The following DNAH9 variants were observed in gnomAD, a reference collection of about 807,000 sequenced individuals.
DNAH9 encodes dynein axonemal heavy chain 9.
Under a neutral mutation model 471.6 loss-of-function variants are expected in DNAH9, and 345 were observed. The observed-to-expected ratio is 0.73, with a 90% CI of 0.67 to 0.80. The LOEUF (loss-of-function observed/expected upper bound fraction) is 0.80, where lower values mean the gene tolerates loss of function less well. DNAH9 is among the 30% of genes least tolerant of loss of function. DNAH9 has a pLI of 0.00. For synonymous variants in DNAH9, 2,093 were observed against 2,123.6 expected (o/e 0.99, Z 0.40); for missense variants, 5,407 against 5,609.2 (o/e 0.96, Z 1.15).
In DNAH9 at chr17:11,961,864, C is replaced by A. The variant is rs377371909; in HGVS notation, c.12844-3C>A. 1.3e-6 allele frequency: 2 copies of A among 1,594,046 alleles called. No individual in the cohort carries two copies. The highest frequency in any genetic ancestry group is 1.7e-6 in the Non-Finnish European group (2 of 1,168,096). On this transcript the variant is annotated splice_region_variant and splice_polypyrimidine_tract_variant and intron_variant, in intron 67 of 68. Coordinates refer to ENST00000262442, the MANE Select transcript of DNAH9 (RefSeq NM_001372.4). ...CTTTCCCCCTCCCATTCTTTATCTT[C>A]AGGGGGAGCTGACTATGACCAGCCA...
intron 13 of DNAH9, 82 bp downstream of exon 13, chr17:11,651,406 CT>C (rs1340635697): frequency 1.4e-6 from 2 of 1,392,608 alleles, no homozygotes; most frequent in Non-Finnish European, 1.9e-6. Flanking sequence ...CAATTATTCC[CT>C]GGTAATCTTA....
intron 17 of DNAH9, among the ~76,000 whole-genome samples, chr17:11,677,771 T>C (rs1380853279): frequency 6.6e-6 from 1 of 152,080 alleles, no homozygotes; most frequent in Non-Finnish European, 1.5e-5. Context: ...CCTTATTCCA[T>C]TTTTTCCTCT....
chr17:11,670,922 T>C (rs56066307), intron 17 of DNAH9, among the ~76,000 whole-genome samples: 30,098 of 152,136 alleles, frequency 0.2, 3,301 homozygotes, highest in African/African-American at 0.3. Context: ...AGGCTGGTCT[T>C]GAACTCCTGA....
At chr17:11,724,354 G>A (rs2075116135) in intron 27 of DNAH9, among the ~76,000 whole-genome samples, 1 of 152,024 alleles carries the variant, frequency 6.6e-6, no homozygotes, top group African/African-American at 2.4e-5. Context: ...CCCAGCCTCT[G>A]GTAACCATCA....
At chr17:11,956,183 A>G (rs1007017703) in intron 67 of DNAH9, among the ~76,000 whole-genome samples, 3 of 152,202 alleles carry the variant, frequency 2.0e-5, no homozygotes, top group Non-Finnish European at 4.4e-5. Flanking sequence ...TAATCAAAAG[A>G]AAGTTGTAGA....
At chr17:11,755,834 G>A (rs1331703196) in intron 33 of DNAH9, among the ~76,000 whole-genome samples, 1 of 152,110 alleles carries the variant, frequency 6.6e-6, no homozygotes, top group Non-Finnish European at 1.5e-5. Context: ...ACATACCAGA[G>A]ACTGGGTAAT....
At chr17:11,650,700 C>T (rs1209690446) in intron 12 of DNAH9, among the ~76,000 whole-genome samples, 1 of 152,194 alleles carries the variant, frequency 6.6e-6, no homozygotes, top group East Asian at 1.9e-4. Flanking sequence ...GATGATTCTC[C>T]TCCTTTAGGC....
In DNAH9 at chr17:11,923,929, G is replaced by A; in HGVS notation, c.11865G>A (p.Trp3955Ter). The change falls in exon 62 of 69, where the codon TGG (tryptophan) becomes TGA (stop). Residue 3955 changes from tryptophan to a stop codon, truncating the protein, a stop_gained. Transcript: ENST00000262442. LOFTEE classifies it high-confidence loss of function. Reference sequence around the variant, plus strand: ...ACCTCGCTGCCAAGAAAGGTCACTGGGTTATTTTGCAGGTATGTTCCTCTA... The same window carrying A: ...ACCTCGCTGCCAAGAAAGGTCACTGAGTTATTTTGCAGGTATGTTCCTCTA... ...ALDLAAKKGH[W>*]VILQNIHLVA... is the part of the protein sequence containing the mutation. 6.2e-7 allele frequency: 1 copy of A among 1,613,836 alleles called. No homozygotes were observed. Among genetic ancestry groups the A allele is most frequent in the Non-Finnish European group, 8.5e-7 (1 of 1,179,858 alleles).
At position 11,837,402 on chromosome 17, in the gene DNAH9, T is replaced by C. The variant is rs182521568; in HGVS notation, c.9507+2504T>C. The stretch of plus-strand genomic sequence containing the variant: ...TTCCTCAGTTTCTTTTCCCTAGTAT[T>C]AGAGAGGGGAAAACAGGAATTAACA... On this transcript the variant is annotated intron_variant, in intron 49 of 68. Coordinates refer to ENST00000262442, the MANE Select transcript of DNAH9 (RefSeq NM_001372.4). Among the ~76,000 whole-genome samples the C allele has an allele frequency of 2.0e-5, 3 of 152,310 alleles. No homozygotes were observed. In the East Asian group the frequency reaches 5.8e-4, roughly 29 times the overall value.
chr17:11,624,864 A>C (rs1430325430), intron 6 of DNAH9, among the ~76,000 whole-genome samples: 1 of 152,136 alleles, frequency 6.6e-6, no homozygotes, highest in African/African-American at 2.4e-5. Flanking sequence ...TACAATTTCT[A>C]GGTCTTTATA....
At position 11,937,333 on chromosome 17, in the gene DNAH9, G is replaced by A; in HGVS notation, c.12490-19G>A. 1 of 1,592,450 alleles carries A rather than the reference G, an allele frequency of 6.3e-7. No individual in the cohort carries two copies. The highest frequency in any genetic ancestry group is 8.6e-7 in the Non-Finnish European group (1 of 1,167,924). On this transcript the variant is annotated intron_variant, in intron 65 of 68. Coordinates refer to ENST00000262442, the MANE Select transcript of DNAH9 (RefSeq NM_001372.4). The surrounding 1 kb of genome is among the most constrained non-coding windows in gnomAD (Gnocchi z 4.1). ...TACGTCCTGGTTTCTTTTTAAGTGA[G>A]CTTGCCCTTGATTTTCAGTACATCG...
At chr17:11,599,036 C>T (rs892049499) in intron 1 of DNAH9, 121 bp downstream of exon 1, 72 of 833,356 alleles carry the variant, frequency 8.6e-5, no homozygotes, top group Non-Finnish European at 1.0e-4. Flanking sequence ...GTCCAAGAGG[C>T]GGAGTGATAG....
intron 50 of DNAH9, among the ~76,000 whole-genome samples, chr17:11,860,487 T>C (rs1380894155): frequency 6.6e-6 from 1 of 152,236 alleles, no homozygotes; most frequent in Non-Finnish European, 1.5e-5. Flanking sequence ...TTGCAAAGTA[T>C]TGAATTCTGA....
chr17:11,790,242 G>A (rs1025919633), intron 41 of DNAH9, among the ~76,000 whole-genome samples: 6 of 151,878 alleles, frequency 4.0e-5, no homozygotes, highest in African/African-American at 1.5e-4. Context: ...TTGTCTGCTT[G>A]TTCCTTCAGT....
chr17:11,681,883 T>A (rs2074139607), intron 19 of DNAH9, among the ~76,000 whole-genome samples: 3 of 152,222 alleles, frequency 2.0e-5, no homozygotes, highest in Non-Finnish European at 4.4e-5. Context: ...TCTACTTACT[T>A]CTTATGTTAT....
At chr17:11,659,171 A>G (rs1339880435) in intron 14 of DNAH9, among the ~76,000 whole-genome samples, 1 of 151,536 alleles carries the variant, frequency 6.6e-6, no homozygotes, top group African/African-American at 2.4e-5. Flanking sequence ...ATGAAAGACT[A>G]TTTAGATTTT....
chr17:11,695,123 C>T (rs2074452331), intron 22 of DNAH9, among the ~76,000 whole-genome samples: 1 of 151,446 alleles, frequency 6.6e-6, no homozygotes, highest in Non-Finnish European at 1.5e-5. Flanking sequence ...CTCCTGACCT[C>T]GTGATCTGCC....
chr17:11,857,197 T>A (rs932907701), intron 50 of DNAH9, among the ~76,000 whole-genome samples: 2 of 152,202 alleles, frequency 1.3e-5, no homozygotes, highest in Non-Finnish European at 1.5e-5. Flanking sequence ...ACCTTTTCAG[T>A]AGCCAACATT....
At chr17:11,946,663 C>CAAAAAA (rs754149437) in intron 67 of DNAH9, among the ~76,000 whole-genome samples, 11 of 67,554 alleles carry the variant, frequency 1.6e-4, no homozygotes, top group Admixed American at 3.8e-4. Context: ...GACTCCATCT[C>CAAAAAA]AAAAAAAAAA....
Sources: gnomAD v4.1 joint callset for allele counts (sites outside exome capture counted in the v4.1 genomes callset) on GRCh38, gnomAD v4.1.1 for gene constraint, Gnocchi (gnomAD v3.1) non-coding constraint, MANE v1.5 for transcripts, NCBI Gene and HGNC (gene_info 2026-07-23, HGNC 2026-07-21) for gene names.